COL23A1: variants seen among roughly 807,000 people sequenced by gnomAD.
COL23A1 encodes collagen alpha-1(XXIII) chain.
Under a neutral mutation model 99.3 loss-of-function variants are expected in COL23A1, and 97 were observed. The observed-to-expected ratio is 0.98, with a 90% CI of 0.83 to 1.16. COL23A1 has a LOEUF of 1.16. Ranked by LOEUF, COL23A1 falls within the 50% of genes most tolerant of loss-of-function variation. The pLI is 0.00. For missense variants in COL23A1, 762 were observed against 757.4 expected (o/e 1.01, Z -0.07); for synonymous variants, 320 against 308.2 (o/e 1.04, Z -0.40).
chr5:178,274,577 T>TG (rs35893939), intron 5 of COL23A1, among the ~76,000 whole-genome samples: 7,423 of 136,904 alleles, frequency 0.054, 224 homozygotes, highest in African/African-American at 0.09. Context: ...TGGCTGGGTG[T>TG]GGGGGGGGTC....
intron 3 of COL23A1, among the ~76,000 whole-genome samples, chr5:178,298,226 G>A (rs1290685518): frequency 6.6e-6 from 1 of 152,208 alleles, no homozygotes; most frequent in Non-Finnish European, 1.5e-5. Context: ...TAGGCTGAAT[G>A]GATGTGGCCC....
At chr5:178,345,380 T>C (rs1359572518) in intron 2 of COL23A1, 5 of 431,650 alleles carry the variant, frequency 1.2e-5, no homozygotes, top group Non-Finnish European at 2.2e-5. Flanking sequence ...ATTAGACCTT[T>C]TGAAACTTCA....
At chr5:178,295,304 A>T (rs1247967191) in intron 3 of COL23A1, among the ~76,000 whole-genome samples, 2 of 152,256 alleles carry the variant, frequency 1.3e-5, no homozygotes, top group African/African-American at 4.8e-5. Context: ...TAGAAACAAG[A>T]TATCCAAAGA....
intron 2 of COL23A1, among the ~76,000 whole-genome samples, chr5:178,549,348 A>C (rs1235437708): frequency 6.6e-6 from 1 of 152,230 alleles, no homozygotes; most frequent in African/African-American, 2.4e-5. Context: ...ATGAAAAGAC[A>C]CACAAATAAC....
At position 178,340,507 on chromosome 5, in the gene COL23A1, T is replaced by C. The variant is rs1190118816; in HGVS notation, c.362-33588A>G. On this transcript the variant is annotated intron_variant, in intron 2 of 28. Coordinates refer to ENST00000390654, the MANE Select transcript of COL23A1 (RefSeq NM_173465.4). This position sits in a 1 kb window ranked among gnomAD's most constrained non-coding sequence, Gnocchi z 4.7. ...GAAGCCCACAGTGTGGGCTGCTCCGTTTGGTCAGAGCTTCTCAAATCCCTG... is the reference window on the plus strand; with the variant it reads ...GAAGCCCACAGTGTGGGCTGCTCCGCTTGGTCAGAGCTTCTCAAATCCCTG... Among the ~76,000 whole-genome samples the C allele has an allele frequency of 6.6e-6, 1 of 152,096 alleles. No individual in the cohort carries two copies. Among genetic ancestry groups the C allele is most frequent in the African/African-American group, 2.4e-5 (1 of 41,398 alleles).
intron 2 of COL23A1, among the ~76,000 whole-genome samples, chr5:178,382,308 C>A (rs1266298962): frequency 6.6e-6 from 1 of 152,204 alleles, no homozygotes. Context: ...ACTGGTCAAC[C>A]TCCAGGGCTT....
intron 2 of COL23A1, among the ~76,000 whole-genome samples, chr5:178,362,679 G>A (rs955399571): frequency 6.6e-6 from 1 of 152,158 alleles, no homozygotes; most frequent in Non-Finnish European, 1.5e-5. Context: ...TGGGACTTCT[G>A]TTGGAACTAT....
At chr5:178,378,401 G>A (rs902705524) in intron 2 of COL23A1, among the ~76,000 whole-genome samples, 10 of 152,088 alleles carry the variant, frequency 6.6e-5, no homozygotes, top group African/African-American at 1.4e-4. Context: ...GGACGATACC[G>A]GTATGGGACC....
intron 2 of COL23A1, among the ~76,000 whole-genome samples, chr5:178,514,094 C>T (rs895700473): frequency 6.6e-6 from 1 of 152,166 alleles, no homozygotes; most frequent in Non-Finnish European, 1.5e-5. Flanking sequence ...CTGGCACCCA[C>T]CATTCCACTT....
At chr5:178,252,348 A>G (rs931744318) in intron 17 of COL23A1, among the ~76,000 whole-genome samples, 196 bp downstream of exon 17, 1 of 152,246 alleles carries the variant, frequency 6.6e-6, no homozygotes, top group Middle Eastern at 3.2e-3. Flanking sequence ...AAGGCTTCCC[A>G]GGGAAATCTC....
At position 178,255,707 on chromosome 5, in the gene COL23A1, C is replaced by A; in HGVS notation, c.882+646G>T. The A allele has an allele frequency of 4.6e-6, 1 of 216,622 alleles. No individual in the cohort carries two copies. Among genetic ancestry groups the A allele is most frequent in the South Asian group, 4.7e-5 (1 of 21,414 alleles). 13.4% of individuals were successfully genotyped at this position (216,622 alleles called of 1,614,324 possible). A position where few individuals can be genotyped will look rare whatever the true frequency, so the allele number is the denominator to read the frequency against. ...TGCTTGGGCCTCATTTGCCAGCCCT[C>A]CCCCGTCCCCAGTCACAGCCTGCCC... On this transcript the variant is annotated intron_variant, in intron 15 of 28. Coordinates refer to ENST00000390654, the MANE Select transcript of COL23A1 (RefSeq NM_173465.4). This position sits in a 1 kb window ranked among gnomAD's most constrained non-coding sequence, Gnocchi z 4.2.
At chr5:178,419,358 C>T (rs961781525) in intron 2 of COL23A1, among the ~76,000 whole-genome samples, 3 of 152,290 alleles carry the variant, frequency 2.0e-5, no homozygotes, top group South Asian at 2.1e-4. Context: ...AGAGCCAAGG[C>T]GAGCCTCCAC....
intron 2 of COL23A1, among the ~76,000 whole-genome samples, chr5:178,425,466 T>A (rs142690083): frequency 5.7e-3 from 747 of 130,490 alleles, no homozygotes; most frequent in Non-Finnish European, 8.3e-3. Flanking sequence ...AATAAATAAA[T>A]AAAAATAAAA....
intron 11 of COL23A1, among the ~76,000 whole-genome samples, chr5:178,260,059 G>A (rs1765542616): frequency 6.6e-6 from 1 of 152,222 alleles, no homozygotes; most frequent in African/African-American, 2.4e-5. Context: ...TTCCTCCTCA[G>A]GCCAGAGGCT....
intron 2 of COL23A1, among the ~76,000 whole-genome samples, chr5:178,553,497 C>T (rs1025326575): frequency 2.6e-5 from 4 of 152,220 alleles, no homozygotes; most frequent in African/African-American, 9.6e-5. Flanking sequence ...AAGTACAGTG[C>T]CCATCCTTGG....
intron 2 of COL23A1, among the ~76,000 whole-genome samples, chr5:178,504,421 A>G (rs1163734175): frequency 6.6e-6 from 1 of 152,150 alleles, no homozygotes. Context: ...GGACCCTGGG[A>G]GCAGCAGCAG....
At chr5:178,419,453 G>T (rs1254655888) in intron 2 of COL23A1, among the ~76,000 whole-genome samples, 1 of 152,164 alleles carries the variant, frequency 6.6e-6, no homozygotes. Flanking sequence ...CACTGGGCTC[G>T]GCACCACGAC....
rs79769342 is a variant in COL23A1 at position 178,337,073 on chromosome 5, T to C, written c.362-30154A>G. 6.6e-3 allele frequency among the ~76,000 whole-genome samples: 999 copies of C among 152,292 alleles called. 16 individuals carry two copies. The highest frequency in any genetic ancestry group is 0.023 in the African/African-American group (970 of 41,560). ...GTCTGTCCCTGCCCCCTATTGGAATTCGATTTCCCATGGGAGGGGGGCCTG... is the reference window on the plus strand; with the variant it reads ...GTCTGTCCCTGCCCCCTATTGGAATCCGATTTCCCATGGGAGGGGGGCCTG... On this transcript the variant is annotated intron_variant, in intron 2 of 28. Transcript: ENST00000390654.
rs187302691 is a variant in COL23A1, at chr5:178,371,483, C to G, written c.362-64564G>C. On this transcript the variant is annotated intron_variant, in intron 2 of 28. Coordinates refer to ENST00000390654, the MANE Select transcript of COL23A1 (RefSeq NM_173465.4). Reference sequence around the variant, plus strand: ...CCAGCTGAGACTCCGCCAGTCCCACCTCAAAGTCGCCCCTACACCTTGGCT... The same window carrying G: ...CCAGCTGAGACTCCGCCAGTCCCACGTCAAAGTCGCCCCTACACCTTGGCT... Among the ~76,000 whole-genome samples the G allele has an allele frequency of 2.8e-3, 427 of 152,308 alleles. 2 individuals carry two copies. Among genetic ancestry groups the G allele is most frequent in the African/African-American group, 9.5e-3 (396 of 41,564 alleles).
Sources: gnomAD v4.1 joint callset for allele counts (sites outside exome capture counted in the v4.1 genomes callset) on GRCh38, gnomAD v4.1.1 for gene constraint, Gnocchi (gnomAD v3.1) non-coding constraint, MANE v1.5 for transcripts, NCBI Gene and HGNC (gene_info 2026-07-23, HGNC 2026-07-21) for gene names.